The following FTCDNL1 variants were observed in gnomAD, a reference collection of about 807,000 sequenced individuals.
FTCDNL1 encodes formiminotransferase N-terminal subdomain-containing protein.
A neutral mutation model predicts 5.9 loss-of-function variants in FTCDNL1; 11 were observed. That is an observed-to-expected ratio of 1.87 (90% CI 1.18 to 3.10). The LOEUF is 3.10. Ranked by LOEUF, FTCDNL1 falls within the 30% of genes most tolerant of loss-of-function variation. FTCDNL1 has a pLI of 0.00. For synonymous variants in FTCDNL1, 58 were observed against 24.8 expected (o/e 2.34, Z -3.99); for missense variants, 115 against 65.5 (o/e 1.76, Z -2.61).
Position 199,811,762 on chromosome 2 carries a change from CCT to C in FTCDNL1, c.*941_*942del, listed in dbSNP as rs373617925. Among the ~76,000 whole-genome samples the C allele has an allele frequency of 2.6e-3, 392 of 152,270 alleles. 12 individuals carry two copies. In the South Asian group the frequency reaches 0.076, roughly 29 times the overall value. On this transcript the variant is annotated 3_prime_UTR_variant, in exon 5 of 5. Transcript: ENST00000420128. Reference sequence around the variant, plus strand: ...TCCATTGCATGTCTAATAACTTCCCCCTGTTAGTAGAATTTCCAAAGTTGATC... The same window carrying C: ...TCCATTGCATGTCTAATAACTTCCCCGTTAGTAGAATTTCCAAAGTTGATC...
intron 3 of FTCDNL1, among the ~76,000 whole-genome samples, chr2:199,843,168 TTTAAATCATGAGGTACAG>T (rs540282587): frequency 7.4e-4 from 113 of 152,274 alleles, no homozygotes; most frequent in Non-Finnish European, 1.4e-3. Context: ...AATGTCCATG[TTTAAATCATGAGGTACAG>T]TAGCTGCCAA....
chr2:199,723,430 C>T, the FTCDNL1 span, among the ~76,000 whole-genome samples: 4 of 151,994 alleles, frequency 2.6e-5, no homozygotes, highest in South Asian at 6.2e-4. Context: ...GTTGAATAGG[C>T]GTGGCAAGAG....
the FTCDNL1 span, among the ~76,000 whole-genome samples, chr2:199,667,970 ATAT>A: frequency 6.6e-6 from 1 of 152,198 alleles, no homozygotes. Flanking sequence ...CGAACCCAAA[ATAT>A]TATTTTTATT....
At chr2:199,754,112 ACAG>A in the FTCDNL1 span, among the ~76,000 whole-genome samples, 2 of 152,184 alleles carry the variant, frequency 1.3e-5, no homozygotes, top group Admixed American at 6.5e-5. Flanking sequence ...CGCAGCAGAG[ACAG>A]CAGAAGTGTG....
At chr2:199,744,348 G>A in the FTCDNL1 span, among the ~76,000 whole-genome samples, 1 of 152,116 alleles carries the variant, frequency 6.6e-6, no homozygotes, top group Non-Finnish European at 1.5e-5. Flanking sequence ...AGAAGAGTGG[G>A]GCCCTAATCT....
At chr2:199,738,202 T>C in the FTCDNL1 span, among the ~76,000 whole-genome samples, 1 of 152,352 alleles carries the variant, frequency 6.6e-6, no homozygotes, top group Non-Finnish European at 1.5e-5. Context: ...CTCTCCCCCA[T>C]CCCAGCCTTC....
At chr2:199,675,189 C>A in the FTCDNL1 span, among the ~76,000 whole-genome samples, 2 of 152,162 alleles carry the variant, frequency 1.3e-5, no homozygotes, top group Non-Finnish European at 2.9e-5. Flanking sequence ...ATTCCCTCCT[C>A]CTGATAATAT....
At chr2:199,847,418 C>A (rs769961) in intron 2 of FTCDNL1, among the ~76,000 whole-genome samples, 109,680 of 152,066 alleles carry the variant, frequency 0.72, 40,030 homozygotes, top group South Asian at 0.83. Flanking sequence ...CTGGAAGAAA[C>A]GAGATATGAT....
chr2:199,826,001 A>G (rs1321335836), intron 3 of FTCDNL1, among the ~76,000 whole-genome samples: 1 of 152,170 alleles, frequency 6.6e-6, no homozygotes, highest in Non-Finnish European at 1.5e-5. Context: ...ACTTAGTGTA[A>G]CTCACATTTG....
the FTCDNL1 span, among the ~76,000 whole-genome samples, chr2:199,729,126 T>C: frequency 6.6e-6 from 1 of 152,192 alleles, no homozygotes; most frequent in Non-Finnish European, 1.5e-5. Flanking sequence ...TACATGACAT[T>C]TGGAAAATAA....
the FTCDNL1 span, among the ~76,000 whole-genome samples, chr2:199,700,626 A>G: frequency 1.4e-4 from 22 of 152,214 alleles, no homozygotes; most frequent in Non-Finnish European, 2.4e-4. Flanking sequence ...GAGGCATAAC[A>G]CTATTCAACT....
chr2:199,760,754 T>C (rs1698230836), exon 4 of FTCDNL1: 1 of 702,298 alleles, frequency 1.4e-6, no homozygotes, highest in Non-Finnish European at 2.6e-6. Context: ...AGATCCATTC[T>C]GTGGATTGCT....
At chr2:199,686,335 G>A in the FTCDNL1 span, among the ~76,000 whole-genome samples, 1 of 152,100 alleles carries the variant, frequency 6.6e-6, no homozygotes, top group Admixed American at 6.6e-5. Flanking sequence ...AACTCTTGGG[G>A]GTGGGAAGGA....
chr2:199,753,391 T>G, the FTCDNL1 span, among the ~76,000 whole-genome samples: 1 of 152,238 alleles, frequency 6.6e-6, no homozygotes, highest in Non-Finnish European at 1.5e-5. Flanking sequence ...AGGGCCATGC[T>G]GTACAGGAGC....
the FTCDNL1 span, among the ~76,000 whole-genome samples, chr2:199,675,635 C>G: frequency 3.9e-5 from 6 of 152,072 alleles, no homozygotes; most frequent in Non-Finnish European, 7.4e-5. Context: ...TGTCTTGGTC[C>G]TTTTGAGTGT....
At chr2:199,784,684 G>A (rs1378156431) in intron 3 of FTCDNL1, among the ~76,000 whole-genome samples, 2 of 152,304 alleles carry the variant, frequency 1.3e-5, no homozygotes, top group Non-Finnish European at 1.5e-5. Context: ...CAATTGAGGC[G>A]GGACTTTGTA....
At chr2:199,669,688 G>A in the FTCDNL1 span, among the ~76,000 whole-genome samples, 12 of 152,048 alleles carry the variant, frequency 7.9e-5, no homozygotes, top group Non-Finnish European at 1.3e-4. Flanking sequence ...AGATTCTGCC[G>A]AACCTTTTGT....
At chr2:199,681,785 T>G in the FTCDNL1 span, among the ~76,000 whole-genome samples, 1 of 152,186 alleles carries the variant, frequency 6.6e-6, no homozygotes, top group Non-Finnish European at 1.5e-5. Flanking sequence ...AACATACAAA[T>G]TGTTATATAT....
chr2:199,685,181 T>C, the FTCDNL1 span, among the ~76,000 whole-genome samples: 1 of 152,136 alleles, frequency 6.6e-6, no homozygotes, highest in Admixed American at 6.6e-5. Context: ...TGTGATATAA[T>C]TGGCTTCAGG....
Sources: gnomAD v4.1 joint callset for allele counts (sites outside exome capture counted in the v4.1 genomes callset) on GRCh38, gnomAD v4.1.1 for gene constraint, MANE v1.5 for transcripts, NCBI Gene and HGNC (gene_info 2026-07-23, HGNC 2026-07-21) for gene names.